Variants in RPH3AL observed in about 807,000 individuals in gnomAD.
RPH3AL encodes the protein rabphilin 3A like (without C2 domains).
Under a neutral mutation model 43.1 loss-of-function variants are expected in RPH3AL, and 38 were observed. The observed-to-expected ratio is 0.88, with a 90% CI of 0.68 to 1.15. The LOEUF (loss-of-function observed/expected upper bound fraction) is 1.15, where lower values mean the gene tolerates loss of function less well. Ranked by LOEUF, RPH3AL falls within the 50% of genes most tolerant of loss-of-function variation. The probability of loss-of-function intolerance (pLI) is 0.00; values close to 1 mark genes in which losing one functional copy is unlikely to be tolerated. For missense variants in RPH3AL, 462 were observed against 423.2 expected (o/e 1.09, Z -0.81); for synonymous variants, 189 against 176.3 (o/e 1.07, Z -0.57).
chr17:352,214 A>T lies in RPH3AL; in HGVS notation c.-213+498T>A, dbSNP rs367639937. ...GCTGCAGCCCCTGAGCCAGTCTTGC[A>T]CGCAGCATAACACGCAATACAAACA... On this transcript the variant is annotated intron_variant, in intron 1 of 9. Transcript: ENST00000331302. Among the ~76,000 whole-genome samples, 50 of 152,306 alleles carry T rather than the reference A, an allele frequency of 3.3e-4. No individual in the cohort carries two copies. In the East Asian group the frequency reaches 9.6e-3, roughly 29 times the overall value.
At chr17:324,669 T>TTCTTTCTA (rs973465037) in intron 3 of RPH3AL, among the ~76,000 whole-genome samples, 1 of 143,892 alleles carries the variant, frequency 6.9e-6, no homozygotes, top group East Asian at 1.9e-4. Context: ...CTCCTATTCT[T>TTCTTTCTA]TCTTTCTATC....
rs2043001986 is a variant in RPH3AL, at chr17:289,711, C to G, written c.352-7857G>C. Among the ~76,000 whole-genome samples, 1 of 152,224 alleles carries G rather than the reference C, an allele frequency of 6.6e-6. No individual in the cohort carries two copies. Among genetic ancestry groups the G allele is most frequent in the Non-Finnish European group, 1.5e-5 (1 of 68,040 alleles). ...CAGCCCCGACCCTCTGAGCTCCAGC[C>G]GTGTGGGCCGTTTGTCAGCCCCTGG... On this transcript the variant is annotated intron_variant, in intron 5 of 9. Transcript: ENST00000331302. This position sits in a 1 kb window ranked among gnomAD's most constrained non-coding sequence, Gnocchi z 5.2.
At chr17:244,597 C>T (rs1231145192) in intron 7 of RPH3AL, among the ~76,000 whole-genome samples, 2 of 152,120 alleles carry the variant, frequency 1.3e-5, no homozygotes, top group Admixed American at 1.3e-4. Context: ...GGCAGGGTCC[C>T]AGGAGGAGCA....
Position 215,519 on chromosome 17 carries a change from C to A in RPH3AL, c.876+135G>T. 2 of 820,714 alleles carry A rather than the reference C, an allele frequency of 2.4e-6. No individual in the cohort carries two copies. Among genetic ancestry groups the A allele is most frequent in the Non-Finnish European group, 3.3e-6 (2 of 611,030 alleles). 50.8% of individuals were successfully genotyped at this position (820,714 alleles called of 1,614,324 possible). On this transcript the variant is annotated intron_variant, in intron 9 of 9. Coordinates refer to ENST00000331302, the MANE Select transcript of RPH3AL (RefSeq NM_006987.4). This position sits in a 1 kb window ranked among gnomAD's most constrained non-coding sequence, Gnocchi z 4.1. Reference sequence around the variant, plus strand: ...GGGATGGGGTCTGGCTCACCTTGTTCCCCCGCACAGTGCTTGGTAAACAAC... The same window carrying A: ...GGGATGGGGTCTGGCTCACCTTGTTACCCCGCACAGTGCTTGGTAAACAAC...
At chr17:344,522 TA>T (rs1279385651) in intron 1 of RPH3AL, among the ~76,000 whole-genome samples, 1 of 130,046 alleles carries the variant, frequency 7.7e-6, no homozygotes, top group African/African-American at 2.6e-5. Context: ...CCATCATCAC[TA>T]TCATCATCAC....
intron 5 of RPH3AL, among the ~76,000 whole-genome samples, chr17:286,939 CCTCT>C (rs71863097): frequency 2.2e-5 from 1 of 46,344 alleles, no homozygotes. Flanking sequence ...GACCTCGCAC[CCTCT>C]CTCTCCACCG....
chr17:282,448 G>A (rs1036652911), intron 5 of RPH3AL, among the ~76,000 whole-genome samples: 5 of 152,098 alleles, frequency 3.3e-5, no homozygotes, highest in African/African-American at 9.7e-5. Context: ...CACGGATTCC[G>A]GTCGGACTCC....
At chr17:316,457 C>T (rs2044196502) in intron 5 of RPH3AL, among the ~76,000 whole-genome samples, 1 of 151,270 alleles carries the variant, frequency 6.6e-6, no homozygotes, top group Non-Finnish European at 1.5e-5. Flanking sequence ...GCTCCACCTC[C>T]ACTGACCTGT....
intron 5 of RPH3AL, among the ~76,000 whole-genome samples, chr17:316,295 G>GA (rs1389754635): frequency 9.4e-6 from 1 of 106,830 alleles, no homozygotes; most frequent in African/African-American, 3.5e-5. Context: ...TAGTCTCTGT[G>GA]CTCCACCTCC....
At chr17:276,525 G>T (rs1015631752) in intron 6 of RPH3AL, among the ~76,000 whole-genome samples, 3 of 152,188 alleles carry the variant, frequency 2.0e-5, no homozygotes, top group Non-Finnish European at 2.9e-5. Context: ...CCAGGAAGCT[G>T]GGACTGCAGG....
chr17:324,576 G>A (rs1598134777), intron 3 of RPH3AL, among the ~76,000 whole-genome samples: 3 of 152,134 alleles, frequency 2.0e-5, no homozygotes, highest in African/African-American at 4.8e-5. Flanking sequence ...TCTAGGCTTC[G>A]TGCAGTCCCC....
intron 7 of RPH3AL, among the ~76,000 whole-genome samples, chr17:242,683 C>T (rs2041589180): frequency 7.8e-6 from 1 of 128,952 alleles, no homozygotes; most frequent in Non-Finnish European, 1.7e-5. Context: ...TGACTACCTT[C>T]CTCTATTGAT....
At position 242,985 on chromosome 17, in the gene RPH3AL, A is replaced by ACCTTCCTCTATTGAC. The variant is rs2041608016; in HGVS notation, c.613+4125_613+4126insGTCAATAGAGGAAGG. Reference sequence around the variant, plus strand: ...TCTATTGACTACCTTCCTCTATTGAATACCTTCCTCTATTGAATACCTTCC... The same window carrying ACCTTCCTCTATTGAC: ...TCTATTGACTACCTTCCTCTATTGAACCTTCCTCTATTGACTACCTTCCTCTATTGAATACCTTCC... On this transcript the variant is annotated intron_variant, in intron 7 of 9. Transcript: ENST00000331302. 1.7e-4 allele frequency among the ~76,000 whole-genome samples: 11 copies of ACCTTCCTCTATTGAC among 64,932 alleles called. 1 individual carries two copies. Among genetic ancestry groups the ACCTTCCTCTATTGAC allele is most frequent in the African/African-American group, 2.8e-4 (5 of 18,140 alleles). The allele number at this position is 64,932 out of a possible 152,430, so 42.6% of individuals were successfully genotyped here.
chr17:316,018 G>C (rs1402037108), intron 5 of RPH3AL, among the ~76,000 whole-genome samples: 3 of 150,304 alleles, frequency 2.0e-5, no homozygotes, highest in Non-Finnish European at 4.4e-5. Context: ...TGTAGTCCCT[G>C]TGCCCCCACC....
intron 5 of RPH3AL, among the ~76,000 whole-genome samples, chr17:286,146 A>C (rs1260246815): frequency 6.6e-6 from 1 of 152,232 alleles, no homozygotes; most frequent in Non-Finnish European, 1.5e-5. Flanking sequence ...GAGAGAAGCC[A>C]GGAGAGTGTC....
intron 2 of RPH3AL, chr17:332,947 G>C (rs941290971): frequency 8.6e-7 from 1 of 1,166,742 alleles, no homozygotes; most frequent in Non-Finnish European, 1.1e-6. Flanking sequence ...ACAGGGAACG[G>C]AACAGGAGTT....
chr17:275,862 T>C (rs1597995144), intron 6 of RPH3AL, among the ~76,000 whole-genome samples: 1 of 152,214 alleles, frequency 6.6e-6, no homozygotes, highest in East Asian at 1.9e-4. Context: ...CCCTTTTTTG[T>C]TTATTTAAAT....
intron 7 of RPH3AL, among the ~76,000 whole-genome samples, chr17:243,382 T>TTGATTACCCTTCCTCTAC (rs1567577895): frequency 2.1e-5 from 3 of 144,812 alleles, no homozygotes; most frequent in Non-Finnish European, 3.1e-5. Context: ...CCTTCCTCTA[T>TTGATTACCCTTCCTCTAC]TGATTACCTT....
intron 1 of RPH3AL, among the ~76,000 whole-genome samples, chr17:334,482 A>C (rs191955805): frequency 6.9e-6 from 1 of 144,680 alleles, no homozygotes; most frequent in Non-Finnish European, 1.5e-5. Flanking sequence ...GGGCCAGCCC[A>C]TCCACTGCGG....
Sources: gnomAD v4.1 joint callset for allele counts (sites outside exome capture counted in the v4.1 genomes callset) on GRCh38, gnomAD v4.1.1 for gene constraint, Gnocchi (gnomAD v3.1) non-coding constraint, MANE v1.5 for transcripts, NCBI Gene and HGNC (gene_info 2026-07-23, HGNC 2026-07-21) for gene names.